CRNKL1: variants seen among roughly 807,000 people sequenced by gnomAD.
CRNKL1 encodes crooked neck-like protein 1.
Under a neutral mutation model 103.7 loss-of-function variants are expected in CRNKL1, and 35 were observed. The ratio of observed to expected loss-of-function variants is 0.34; its 90% confidence interval spans 0.26 to 0.45. The LOEUF is 0.45. Among genes scored for constraint, CRNKL1 ranks in the 20% least tolerant of loss-of-function variants. The pLI is 1.00. For missense variants in CRNKL1, 645 were observed against 836.0 expected (o/e 0.77, Z 2.82); for synonymous variants, 267 against 282.6 (o/e 0.94, Z 0.55).
In CRNKL1 at chr20:20,036,169, C is replaced by CA. The variant is rs753491016; in HGVS notation, c.*25dup. ...CCAAACAATTAATTTATAAAAATAACAAAACATTTGTCTATGAAAAAAAGA... is the reference window on the plus strand; with the variant it reads ...CCAAACAATTAATTTATAAAAATAACAAAAACATTTGTCTATGAAAAAAAGA... On this transcript the variant is annotated 3_prime_UTR_variant, in exon 14 of 14. Transcript: ENST00000536226. 289 of 1,599,812 alleles carry CA rather than the reference C, an allele frequency of 1.8e-4. No individual in the cohort carries two copies. The highest frequency in any genetic ancestry group is 5.0e-4 in the Middle Eastern group (3 of 5,982).
chr20:20,045,326 A>C lies in CRNKL1; in HGVS notation c.783T>G (p.Phe261Leu), dbSNP rs1481081452. 1.2e-6 allele frequency: 2 copies of C among 1,611,332 alleles called. No individual in the cohort carries two copies. Among genetic ancestry groups the C allele is most frequent in the African/African-American group, 1.3e-5 (1 of 74,800 alleles). ...DEHLYVAFAKFEENQKEFERV... is the reference protein window; with the variant it reads ...DEHLYVAFAKLEENQKEFERV... ...TACTTACCTCTTTCTGATTTTCTTC[A>C]AACTTGGCAAAGGCAACATAAAGGT... The change falls in exon 6 of 14, where the codon TTT (phenylalanine) becomes TTG (leucine). Residue 261 changes from phenylalanine to leucine, a missense_variant. By Grantham distance (22) the Phe-to-Leu change is conservative. Around this residue, in one of 2 missense-constraint regions of CRNKL1, gnomAD observed 582 missense variants for 707.7 expected, o/e 0.82. Coordinates refer to ENST00000536226, the MANE Select transcript of CRNKL1 (RefSeq NM_001278628.2).
chr20:20,036,378 A>G lies in CRNKL1; in HGVS notation c.1897-16T>C. On this transcript the variant is annotated splice_polypyrimidine_tract_variant and intron_variant, in intron 13 of 13. Coordinates refer to ENST00000536226, the MANE Select transcript of CRNKL1 (RefSeq NM_001278628.2). ...CTGCATCAGACTACAGAAATAAAAAATGAAAAGATAAGCAAACGTGGGTGA... is the reference window on the plus strand; with the variant it reads ...CTGCATCAGACTACAGAAATAAAAAGTGAAAAGATAAGCAAACGTGGGTGA... 1 of 1,613,568 alleles carries G rather than the reference A, an allele frequency of 6.2e-7. No homozygotes were observed. The highest frequency in any genetic ancestry group is 8.5e-7 in the Non-Finnish European group (1 of 1,179,688).
At position 20,036,358 on chromosome 20, in the gene CRNKL1, T is replaced by G; in HGVS notation, c.1901A>C (p.Asp634Ala). The G allele has an allele frequency of 6.2e-7, 1 of 1,614,084 alleles. No homozygotes were observed. ...RRKVQTDDGS[D>A]AGWEEYFDYI... ...ATCAAAGTATTCTTCCCAGCCTGCA[T>G]CAGACTACAGAAATAAAAAATGAAA... The change falls in exon 14 of 14, where the codon GAT (aspartate) becomes GCT (alanine). Residue 634 changes from aspartate to alanine, a missense_variant. Asp to Ala is a moderately radical substitution (Grantham distance 126, BLOSUM62 -2). This residue lies in a region of CRNKL1 where 582 missense variants were observed against 707.7 expected (regional missense o/e 0.82). Transcript: ENST00000536226.
At chr20:20,048,551 GTA>G in intron 3 of CRNKL1, 50 bp from the exon 4 acceptor site, 2 of 1,586,520 alleles carry the variant, frequency 1.3e-6, no homozygotes, top group Non-Finnish European at 1.7e-6. Flanking sequence ...TTCAACACAT[GTA>G]GCAGTTATTT....
chr20:20,050,212 T>C (rs1410091029), intron 2 of CRNKL1, among the ~76,000 whole-genome samples: 1 of 152,256 alleles, frequency 6.6e-6, no homozygotes, highest in Non-Finnish European at 1.5e-5. Context: ...TTGTTCCATC[T>C]GCTAAACTTC....
chr20:20,038,651 A>G, intron 11 of CRNKL1: 1 of 446,194 alleles, frequency 2.2e-6, no homozygotes, highest in Non-Finnish European at 3.9e-6. Flanking sequence ...CAGATTACAG[A>G]AAAAGGGCCT....
chr20:20,036,855 T>C (rs2043426624), intron 13 of CRNKL1, among the ~76,000 whole-genome samples: 1 of 152,170 alleles, frequency 6.6e-6, no homozygotes, highest in South Asian at 2.1e-4. Context: ...AAAAACTGCT[T>C]CCTGATGGGT....
At chr20:20,049,886 C>T (rs528197933) in intron 2 of CRNKL1, among the ~76,000 whole-genome samples, 42 of 151,742 alleles carry the variant, frequency 2.8e-4, no homozygotes, top group African/African-American at 9.7e-4. Flanking sequence ...GGCACGATCT[C>T]GGCTCACTGC....
Position 20,045,369 on chromosome 20 carries a change from T to C in CRNKL1, c.740A>G (p.Asp247Gly), listed in dbSNP as rs1435807854. 6.2e-7 allele frequency: 1 copy of C among 1,613,786 alleles called. No homozygotes were observed. Among genetic ancestry groups the C allele is most frequent in the Non-Finnish European group, 8.5e-7 (1 of 1,179,920 alleles). ...VYERAVEFFG[D>G]EHMDEHLYVA... is the part of the protein sequence containing the mutation. ...ATAAAGGTGCTCATCCATATGTTCATCTCCAAAGAATTCCACAGCTCTCTC... is the reference window on the plus strand; with the variant it reads ...ATAAAGGTGCTCATCCATATGTTCACCTCCAAAGAATTCCACAGCTCTCTC... The change falls in exon 6 of 14, where the codon GAT (aspartate) becomes GGT (glycine). Residue 247 changes from aspartate (D) to glycine (G), a missense_variant. Transcript: ENST00000536226.
chr20:20,047,694 G>T, intron 5 of CRNKL1, 71 bp downstream of exon 5: 1 of 1,475,858 alleles, frequency 6.8e-7, no homozygotes, highest in Non-Finnish European at 9.3e-7. Context: ...CTGATCATGA[G>T]ACATCTCTAC....
intron 1 of CRNKL1, among the ~76,000 whole-genome samples, chr20:20,051,740 G>A: frequency 6.6e-6 from 1 of 152,144 alleles, no homozygotes; most frequent in East Asian, 1.9e-4. Flanking sequence ...ATACCAGATA[G>A]TAAGTCTACT....
upstream of CRNKL1, chr20:20,055,838 A>G: frequency 2.5e-6 from 2 of 808,346 alleles, no homozygotes; most frequent in East Asian, 5.0e-5. Flanking sequence ...ACTGGCTAGT[A>G]TATAATAAAA....
chr20:20,048,446 A>T lies in CRNKL1; in HGVS notation c.352T>A (p.Trp118Arg). ...LDVDYRNITL[W>R]LKYAEMEMKN... is the part of the protein sequence containing the mutation. ...ATTTCCATTTCTGCGTATTTCAGCC[A>T]GAGTGTAATATTTCGGTAGTCTACA... Residue 118 changes from tryptophan to arginine, a missense_variant, in exon 4 of 14, where the codon TGG becomes AGG. Physicochemically the swap from Trp to Arg is moderately radical, Grantham distance 101. Coordinates refer to ENST00000536226, the MANE Select transcript of CRNKL1 (RefSeq NM_001278628.2). 6.2e-7 allele frequency: 1 copy of T among 1,614,198 alleles called. No individual in the cohort carries two copies. The highest frequency in any genetic ancestry group is 8.5e-7 in the Non-Finnish European group (1 of 1,180,032).
chr20:20,043,723 G>C, intron 6 of CRNKL1, 61 bp from the exon 7 acceptor site: 1 of 1,481,950 alleles, frequency 6.7e-7, no homozygotes, highest in Non-Finnish European at 9.3e-7. Context: ...GTCACAACTA[G>C]GAGAGTAAAT....
At position 20,036,123 on chromosome 20, in the gene CRNKL1, C is replaced by T; in HGVS notation, c.*72G>A. ...TTCTTACTGGTGAAATATATAAGAA[C>T]TTCCAGGAGTCACAAGAGTTCCAAA... On this transcript the variant is annotated 3_prime_UTR_variant, in exon 14 of 14. Transcript: ENST00000536226. 1 of 1,454,644 alleles carries T rather than the reference C, an allele frequency of 6.9e-7. No homozygotes were observed. The highest frequency in any genetic ancestry group is 9.3e-7 in the Non-Finnish European group (1 of 1,070,214). 90.1% of individuals were successfully genotyped at this position (1,454,644 alleles called of 1,614,324 possible). A position where few individuals can be genotyped will look rare whatever the true frequency, so the allele number is the denominator to read the frequency against.
intron 7 of CRNKL1, among the ~76,000 whole-genome samples, 168 bp downstream of exon 7, chr20:20,043,324 C>T (rs572081682): frequency 3.3e-5 from 5 of 152,294 alleles, no homozygotes; most frequent in African/African-American, 1.2e-4. Context: ...TTTCTATCAG[C>T]CTTGTTTATT....
intron 7 of CRNKL1, 146 bp downstream of exon 7, chr20:20,043,346 G>A (rs993035068): frequency 2.6e-5 from 20 of 779,254 alleles, no homozygotes; most frequent in Admixed American, 5.1e-5. Context: ...CTACTTGTCT[G>A]AAATAGCTGC....
intron 3 of CRNKL1, among the ~76,000 whole-genome samples, chr20:20,048,815 G>A (rs1001467456): frequency 3.6e-4 from 55 of 152,258 alleles, no homozygotes; most frequent in African/African-American, 1.2e-3. Flanking sequence ...CTTGAGGAAC[G>A]TTCCGATTTA....
intron 11 of CRNKL1, 151 bp downstream of exon 11, chr20:20,039,458 A>T: frequency 1.1e-6 from 1 of 904,512 alleles, no homozygotes; most frequent in Non-Finnish European, 1.7e-6. Flanking sequence ...CCCCACAGCC[A>T]CCTTTCCACG....
Sources: gnomAD v4.1 joint callset for allele counts (sites outside exome capture counted in the v4.1 genomes callset) on GRCh38, gnomAD v4.1.1 for gene constraint, gnomAD v4.1.1 regional missense constraint, MANE v1.5 for transcripts, NCBI Gene and HGNC (gene_info 2026-07-23, HGNC 2026-07-21) for gene names.